The following DLC1 variants were observed in gnomAD, a reference collection of about 807,000 sequenced individuals.
DLC1 encodes DLC1 Rho GTPase activating protein.
Under a neutral mutation model 140.3 loss-of-function variants are expected in DLC1, and 54 were observed. The observed-to-expected ratio is 0.38, with a 90% CI of 0.31 to 0.48. The LOEUF (loss-of-function observed/expected upper bound fraction) is 0.48, where lower values mean the gene tolerates loss of function less well. Among genes scored for constraint, DLC1 ranks in the 20% least tolerant of loss-of-function variants. DLC1 has a pLI of 0.96. For synonymous variants in DLC1, 986 were observed against 728.1 expected, an observed-to-expected ratio of 1.35 and a Z score of -5.70; for missense variants, 2,536 against 1,907.0, an observed-to-expected ratio of 1.33 and a Z score of -6.14.
At chr8:13,578,897 A>T (rs1255180837) in intron 1 of DLC1, among the ~76,000 whole-genome samples, 2 of 151,840 alleles carry the variant, frequency 1.3e-5, no homozygotes, top group Non-Finnish European at 2.9e-5. Flanking sequence ...GCCATTGCTG[A>T]CTGACTCAAC....
chr8:13,122,321 C>T (rs1014739954), intron 5 of DLC1, among the ~76,000 whole-genome samples: 1 of 152,200 alleles, frequency 6.6e-6, no homozygotes, highest in African/African-American at 2.4e-5. Flanking sequence ...TTTCCAAACT[C>T]CTTGGAGTTC....
intron 5 of DLC1, among the ~76,000 whole-genome samples, chr8:13,129,936 T>C (rs1240996722): frequency 1.3e-5 from 2 of 152,198 alleles, no homozygotes; most frequent in Non-Finnish European, 2.9e-5. Flanking sequence ...CATGGCCTCA[T>C]TTCCGTCTTC....
At chr8:13,317,235 AT>A (rs1232257072) in intron 4 of DLC1, among the ~76,000 whole-genome samples, 2 of 152,202 alleles carry the variant, frequency 1.3e-5, no homozygotes, top group Non-Finnish European at 2.9e-5. Context: ...AATAAGCCAC[AT>A]TTTTGTTTGT....
intron 5 of DLC1, among the ~76,000 whole-genome samples, chr8:13,174,192 ATTTC>A (rs1347321569): frequency 6.6e-6 from 1 of 152,038 alleles, no homozygotes; most frequent in Admixed American, 6.6e-5. Context: ...AAAGGATGTG[ATTTC>A]TTTCTTTCTT....
chr8:13,262,982 G>A (rs1385914026), intron 5 of DLC1, among the ~76,000 whole-genome samples: 3 of 152,128 alleles, frequency 2.0e-5, no homozygotes, highest in African/African-American at 4.8e-5. Flanking sequence ...GCTTATAGAA[G>A]ACATTTTAAA....
At chr8:13,256,596 C>T (rs1226405893) in intron 5 of DLC1, among the ~76,000 whole-genome samples, 1 of 152,026 alleles carries the variant, frequency 6.6e-6, no homozygotes, top group South Asian at 2.1e-4. Flanking sequence ...AGCTGGAAAC[C>T]ATCATTCTCA....
intron 5 of DLC1, among the ~76,000 whole-genome samples, chr8:13,259,480 G>C (rs1041396042): frequency 1.1e-4 from 16 of 152,192 alleles, no homozygotes; most frequent in African/African-American, 3.9e-4. Context: ...TTCATCAGCT[G>C]TATGATAAAT....
Position 13,499,083 on chromosome 8 carries a change from G to C in DLC1, c.989C>G (p.Pro330Arg), listed in dbSNP as rs1449647817. Residue 330 changes from proline (P) to arginine (R), a missense_variant, in exon 2 of 18, where the codon CCC becomes CGC. Transcript: ENST00000276297. ...QLKETLATQE[P>R]TDNQVRLRKR... ...ACGAAGTCTGACTTGGTTATCTGTGGGTTCCTGGGTGGCCAGGGTCTCCTT... is the reference window on the plus strand; with the variant it reads ...ACGAAGTCTGACTTGGTTATCTGTGCGTTCCTGGGTGGCCAGGGTCTCCTT... 1 of 1,613,220 alleles carries C rather than the reference G, an allele frequency of 6.2e-7. No individual in the cohort carries two copies. Among genetic ancestry groups the C allele is most frequent in the Admixed American group, 1.7e-5 (1 of 59,874 alleles).
chr8:13,324,926 T>C (rs888333854), intron 4 of DLC1, among the ~76,000 whole-genome samples: 1 of 152,178 alleles, frequency 6.6e-6, no homozygotes, highest in Admixed American at 6.6e-5. Context: ...ACTTTGGTGA[T>C]ACTGTGCAAA....
chr8:13,534,179 C>T (rs1033469064), intron 1 of DLC1, among the ~76,000 whole-genome samples: 14 of 152,240 alleles, frequency 9.2e-5, no homozygotes, highest in Admixed American at 7.9e-4. Flanking sequence ...CCAGCAATTT[C>T]CAGACTATTT....
intron 2 of DLC1, among the ~76,000 whole-genome samples, chr8:13,430,094 TATAGGC>T (rs1425677619): frequency 6.6e-6 from 1 of 152,176 alleles, no homozygotes; most frequent in Admixed American, 6.5e-5. Context: ...GGGAATGGTA[TATAGGC>T]ATCAGTATTT....
At chr8:13,532,594 C>T (rs1194149199) in intron 1 of DLC1, among the ~76,000 whole-genome samples, 1 of 152,150 alleles carries the variant, frequency 6.6e-6, no homozygotes, top group African/African-American at 2.4e-5. Context: ...CTCTCTCTCT[C>T]TCTCAGATAT....
intron 2 of DLC1, among the ~76,000 whole-genome samples, chr8:13,459,947 G>A (rs763090844): frequency 4.9e-4 from 74 of 152,124 alleles, no homozygotes; most frequent in African/African-American, 1.4e-3. Flanking sequence ...GTATTGTGCC[G>A]GGAAGGACCT....
chr8:13,159,057 G>A (rs1432484381), intron 5 of DLC1, among the ~76,000 whole-genome samples: 1 of 152,166 alleles, frequency 6.6e-6, no homozygotes, highest in African/African-American at 2.4e-5. Flanking sequence ...GGCAGAGATA[G>A]GAGTTTTGGC....
At chr8:13,587,454 T>C (rs1366734896) in intron 1 of DLC1, among the ~76,000 whole-genome samples, 1 of 151,796 alleles carries the variant, frequency 6.6e-6, no homozygotes, top group Non-Finnish European at 1.5e-5. Context: ...TGTACGATTC[T>C]CTTTTTGTTT....
At chr8:13,539,486 C>T (rs898644447) in intron 1 of DLC1, among the ~76,000 whole-genome samples, 1 of 152,104 alleles carries the variant, frequency 6.6e-6, no homozygotes, top group Non-Finnish European at 1.5e-5. Context: ...AGGCGTGAGC[C>T]ACTGCACCCG....
chr8:13,263,888 A>C (rs1830571446), intron 5 of DLC1, among the ~76,000 whole-genome samples: 1 of 151,826 alleles, frequency 6.6e-6, no homozygotes, highest in African/African-American at 2.4e-5. Context: ...ACTCTACCAC[A>C]GAAAAATTTC....
chr8:13,440,895 A>G (rs532944750), intron 2 of DLC1, among the ~76,000 whole-genome samples: 1 of 152,158 alleles, frequency 6.6e-6, no homozygotes, highest in African/African-American at 2.4e-5. Flanking sequence ...CTGTAAATCC[A>G]ATTAAACCTC....
At chr8:13,091,296 G>A in intron 14 of DLC1, 22 bp downstream of exon 14, 1 of 1,611,732 alleles carries the variant, frequency 6.2e-7, no homozygotes, top group Non-Finnish European at 8.5e-7. Flanking sequence ...TAATAAAGGA[G>A]CCAAACTTCT....
Sources: allele counts gnomAD v4.1 joint callset (sites outside exome capture counted in the v4.1 genomes callset), GRCh38; gene constraint gnomAD v4.1.1; transcripts MANE v1.5; gene names NCBI Gene and HGNC (gene_info 2026-07-23, HGNC 2026-07-21).